ADGRF4: variants seen among roughly 807,000 people sequenced by gnomAD.
The protein encoded by ADGRF4 is G-protein coupled receptor PGR18.
ADGRF4 carries 63 observed loss-of-function variants against 58.5 expected under a neutral mutation model. That is an observed-to-expected ratio of 1.08 (90% CI 0.88 to 1.33). The LOEUF (loss-of-function observed/expected upper bound fraction) is 1.33, where lower values mean the gene tolerates loss of function less well. Ranked by LOEUF, ADGRF4 falls within the 40% of genes most tolerant of loss-of-function variation. ADGRF4 has a pLI of 0.00. For synonymous variants in ADGRF4, 313 were observed against 295.4 expected (o/e 1.06, Z -0.61); for missense variants, 931 against 843.9 (o/e 1.10, Z -1.28).
At chr6:47,710,442 A>G (rs1771832770) in intron 3 of ADGRF4, among the ~76,000 whole-genome samples, 1 of 152,216 alleles carries the variant, frequency 6.6e-6, no homozygotes, top group Non-Finnish European at 1.5e-5. Context: ...TGCATGAGTT[A>G]ACCCCTGCTT....
intron 1 of ADGRF4, among the ~76,000 whole-genome samples, chr6:47,702,540 A>G (rs751422303): frequency 1.8e-4 from 27 of 152,258 alleles, no homozygotes; most frequent in Non-Finnish European, 3.2e-4. Flanking sequence ...CCTGCTACAA[A>G]TGGTTGACAA....
At position 47,706,814 on chromosome 6, in the gene ADGRF4, A is replaced by G. The variant is rs190658721; in HGVS notation, c.-16-416A>G. Among the ~76,000 whole-genome samples the G allele has an allele frequency of 4.2e-3, 641 of 152,344 alleles. 16 individuals are homozygous for G. Among genetic ancestry groups the G allele is most frequent in the Non-Finnish European group, 8.5e-4 (58 of 68,024 alleles). ...AACTCTTTGTCCCTTATTTTCCCCA[A>G]TGATAAAATGAAGATAGTAATAGCA... On this transcript the variant is annotated intron_variant, in intron 1 of 9. Transcript: ENST00000283303.
At chr6:47,711,961 T>C (rs541863894) in intron 4 of ADGRF4, among the ~76,000 whole-genome samples, 1 of 152,348 alleles carries the variant, frequency 6.6e-6, no homozygotes, top group South Asian at 2.1e-4. Flanking sequence ...TTCTTCTAAC[T>C]AGTAAACTCT....
Position 47,715,174 on chromosome 6 carries a change from C to G in ADGRF4, c.1929C>G (p.Phe643Leu), listed in dbSNP as rs768945108. ...FHIIFALLNA[F>L]QGFFILLFGT... ...TAATTTTTGCCTTGCTCAATGCTTT[C>G]CAGGTAAGTTCCAAGAGGGAGACTT... Residue 643 changes from phenylalanine (F) to leucine (L), a missense_variant, in exon 6 of 10, where the codon TTC (phenylalanine) becomes TTG (leucine). By Grantham distance (22) the Phe-to-Leu change is conservative. Transcript: ENST00000283303. The G allele has an allele frequency of 5.1e-6, 8 of 1,574,232 alleles. No individual in the cohort carries two copies. In the South Asian group the frequency reaches 8.1e-5, roughly 16 times the overall value.
At position 47,712,617 on chromosome 6, in the gene ADGRF4, T is replaced by C. The variant is rs371265570; in HGVS notation, c.552+9T>C. ...CTCGAGAGAAAATGAAGGTATTCTT[T>C]GTTAATCATTTAAAAATGATGTTTT... On this transcript the variant is annotated intron_variant, in intron 5 of 9. Coordinates refer to ENST00000283303, the MANE Select transcript of ADGRF4 (RefSeq NM_153838.5). 1.6e-5 allele frequency: 25 copies of C among 1,559,886 alleles called. No homozygotes were observed. The highest frequency in any genetic ancestry group is 1.3e-4 in the East Asian group (6 of 44,534).
At chr6:47,717,389 C>T (rs770689899) in intron 8 of ADGRF4, 38 bp downstream of exon 8, 25 of 1,397,462 alleles carry the variant, frequency 1.8e-5, no homozygotes, top group South Asian at 2.3e-5. Flanking sequence ...CTGGAGAGTC[C>T]GTGTCCTTGC....
In ADGRF4 at chr6:47,714,591, C is replaced by T. The variant is rs745649368; in HGVS notation, c.1346C>T (p.Ser449Phe). The T allele has an allele frequency of 1.2e-6, 2 of 1,614,018 alleles. No homozygotes were observed. The highest frequency in any genetic ancestry group is 2.7e-5 in the African/African-American group (2 of 74,914). ...RHVCIVNIAVSLLTANVWFII... is the reference protein window; with the variant it reads ...RHVCIVNIAVFLLTANVWFII... ...GTGTGCATCGTGAATATAGCAGTGTCCCTTCTGACTGCCAATGTGTGGTTT... is the reference window on the plus strand; with the variant it reads ...GTGTGCATCGTGAATATAGCAGTGTTCCTTCTGACTGCCAATGTGTGGTTT... The change falls in exon 6 of 10, where the codon TCC becomes TTC. Residue 449 changes from serine to phenylalanine, a missense_variant. Ser to Phe is a radical substitution (Grantham distance 155, BLOSUM62 -2). Transcript: ENST00000283303.
In ADGRF4 at chr6:47,715,091, C is replaced by G. The variant is rs760812335; in HGVS notation, c.1846C>G (p.Leu616Val). 1.7e-5 allele frequency: 28 copies of G among 1,611,790 alleles called. No homozygotes were observed. The highest frequency in any genetic ancestry group is 2.3e-5 in the Non-Finnish European group (27 of 1,178,120). The change falls in exon 6 of 10, where the codon CTG becomes GTG. Residue 616 changes from leucine (L) to valine (V), a missense_variant. Coordinates refer to ENST00000283303, the MANE Select transcript of ADGRF4 (RefSeq NM_153838.5). ...NVAILTPLLG[L>V]TWGFGIATLI... is the part of the protein sequence containing the mutation. ...TGCCATCCTCACTCCACTGCTGGGA[C>G]TGACCTGGGGTTTTGGAATAGCCAC...
intron 1 of ADGRF4, among the ~76,000 whole-genome samples, chr6:47,702,562 A>G (rs1771614196): frequency 1.3e-5 from 2 of 152,220 alleles, no homozygotes; most frequent in South Asian, 4.1e-4. Context: ...CAAATGGTGG[A>G]TAATATGCAT....
At position 47,706,024 on chromosome 6, in the gene ADGRF4, A is replaced by C. The variant is rs556390769; in HGVS notation, c.-16-1206A>C. ...GTTGATAGAATGAATGATCATCTAC[A>C]TTTTATGAAATGGATGAAAAAATAG... is the stretch of plus-strand genomic sequence containing the variant. On this transcript the variant is annotated intron_variant, in intron 1 of 9. Coordinates refer to ENST00000283303, the MANE Select transcript of ADGRF4 (RefSeq NM_153838.5). 6.6e-5 allele frequency among the ~76,000 whole-genome samples: 10 copies of C among 152,348 alleles called. No homozygotes were observed. The South Asian group carries it at 1.7e-3, about 25-fold the overall frequency.
chr6:47,706,063 T>C (rs559904461), intron 1 of ADGRF4, among the ~76,000 whole-genome samples: 32 of 152,352 alleles, frequency 2.1e-4, no homozygotes, highest in Non-Finnish European at 4.3e-4. Context: ...AGTTCATCCA[T>C]AGTAGACATC....
At chr6:47,706,004 TAGAA>T (rs1384462551) in intron 1 of ADGRF4, among the ~76,000 whole-genome samples, 3 of 152,234 alleles carry the variant, frequency 2.0e-5, no homozygotes, top group Non-Finnish European at 4.4e-5. Flanking sequence ...TGTTGGTTGA[TAGAA>T]TGAATGATCA....
At chr6:47,708,136 C>A in intron 2 of ADGRF4, 88 bp from the exon 3 acceptor site, 2 of 946,578 alleles carry the variant, frequency 2.1e-6, no homozygotes, top group Non-Finnish European at 3.4e-6. Context: ...AACACATTTT[C>A]TTTTCATATT....
chr6:47,714,665 G>T lies in ADGRF4; in HGVS notation c.1420G>T (p.Val474Phe). Residue 474 changes from valine (V) to phenylalanine (F), a missense_variant, in exon 6 of 10, where the codon GTT becomes TTT. Val to Phe is a conservative substitution (Grantham distance 50). Coordinates refer to ENST00000283303, the MANE Select transcript of ADGRF4 (RefSeq NM_153838.5). ...TAAGGCCCAGGACTACAACATGTGTGTTGCAGTGACATTTTTCAGCCACTT... is the reference window on the plus strand; with the variant it reads ...TAAGGCCCAGGACTACAACATGTGTTTTGCAGTGACATTTTTCAGCCACTT... ...NIKAQDYNMC[V>F]AVTFFSHFFY... The T allele has an allele frequency of 6.2e-7, 1 of 1,614,174 alleles. No homozygotes were observed. The highest frequency in any genetic ancestry group is 8.5e-7 in the Non-Finnish European group (1 of 1,180,032).
At position 47,708,282 on chromosome 6, in the gene ADGRF4, T is replaced by C; in HGVS notation, c.148+4T>C. 6.2e-7 allele frequency: 1 copy of C among 1,603,604 alleles called. No individual in the cohort carries two copies. Among genetic ancestry groups the C allele is most frequent in the Non-Finnish European group, 8.5e-7 (1 of 1,170,588 alleles). ...CCCAAGACTGGAAGGATCCAAGGTA[T>C]GTGGCTATAGAACAGTCTTCATCCA... is the stretch of plus-strand genomic sequence containing the variant. On this transcript the variant is annotated splice_donor_region_variant and intron_variant, in intron 3 of 9. Transcript: ENST00000283303.
At chr6:47,720,560 G>A (rs1350693796) in intron 9 of ADGRF4, among the ~76,000 whole-genome samples, 1 of 152,156 alleles carries the variant, frequency 6.6e-6, no homozygotes, top group Non-Finnish European at 1.5e-5. Flanking sequence ...CTGCAGAGGT[G>A]GAGAAACAGG....
intron 4 of ADGRF4, among the ~76,000 whole-genome samples, chr6:47,711,517 T>C (rs955403270): frequency 1.3e-5 from 2 of 152,216 alleles, no homozygotes; most frequent in Non-Finnish European, 2.9e-5. Context: ...CACCTCGGCC[T>C]CCCAAAGTGC....
In ADGRF4 at chr6:47,714,452, T is replaced by C. The variant is rs762725560; in HGVS notation, c.1207T>C (p.Tyr403His). ...SKSMTDKVLD[Y>H]ITCIGLSVSI... ...ATCGATGACCGACAAAGTTCTGGAC[T>C]ACATCACCTGCATTGGGCTCAGCGT... The change falls in exon 6 of 10, where the codon TAC (tyrosine) becomes CAC (histidine). Residue 403 changes from tyrosine (Y) to histidine (H), a missense_variant. By Grantham distance (83) the Tyr-to-His change is moderately conservative. Coordinates refer to ENST00000283303, the MANE Select transcript of ADGRF4 (RefSeq NM_153838.5). 2 of 1,614,178 alleles carry C rather than the reference T, an allele frequency of 1.2e-6. No individual in the cohort carries two copies. Among genetic ancestry groups the C allele is most frequent in the Non-Finnish European group, 1.7e-6 (2 of 1,180,026 alleles).
chr6:47,713,179 C>T (rs1276427328), intron 5 of ADGRF4, among the ~76,000 whole-genome samples: 1 of 152,170 alleles, frequency 6.6e-6, no homozygotes, highest in Non-Finnish European at 1.5e-5. Context: ...CTACCTCTGC[C>T]ACCCAGAGTC....
Sources: allele counts gnomAD v4.1 joint callset (sites outside exome capture counted in the v4.1 genomes callset), GRCh38; gene constraint gnomAD v4.1.1; transcripts MANE v1.5; gene names NCBI Gene and HGNC (gene_info 2026-07-23, HGNC 2026-07-21).